The following PHC2 variants were observed in gnomAD, a reference collection of about 807,000 sequenced individuals.
PHC2 encodes the protein polyhomeotic-like protein 2.
Under a neutral mutation model 87.4 loss-of-function variants are expected in PHC2, and 29 were observed. That is an observed-to-expected ratio of 0.33 (90% CI 0.25 to 0.45). The LOEUF is 0.45. Ranked by LOEUF, PHC2 falls within the 20% of genes least tolerant of loss-of-function variation. The pLI is 1.00. For synonymous variants in PHC2, 438 were observed against 461.7 expected (o/e 0.95, Z 0.66); for missense variants, 857 against 1,136.7 (o/e 0.75, Z 3.54).
rs778264042 is a variant in PHC2 at position 33,330,097 on chromosome 1, G to A, written c.2122C>T (p.Pro708Ser). 8 of 1,614,102 alleles carry A rather than the reference G, an allele frequency of 5.0e-6. No individual in the cohort carries two copies. Among genetic ancestry groups the A allele is most frequent in the Non-Finnish European group, 6.8e-6 (8 of 1,180,014 alleles). The change falls in exon 13 of 15, where the codon CCA becomes TCA. Residue 708 changes from proline (P) to serine (S), a missense_variant. By Grantham distance (74) the Pro-to-Ser change is moderately conservative. Transcript: ENST00000683057. ...TGCTTCTTGGTATCCTTGGTAAGTGGTGGCAGACTGGCTTTGCTGGCCCGA... is the reference window on the plus strand; with the variant it reads ...TGCTTCTTGGTATCCTTGGTAAGTGATGGCAGACTGGCTTTGCTGGCCCGA... ...RRRASKASLPPLTKDTKKQPT... is the reference protein window; with the variant it reads ...RRRASKASLPSLTKDTKKQPT...
At chr1:33,415,047 C>G (rs1424484132) in intron 1 of PHC2, among the ~76,000 whole-genome samples, 1 of 152,154 alleles carries the variant, frequency 6.6e-6, no homozygotes, top group Non-Finnish European at 1.5e-5. Flanking sequence ...AAAGTGAGCC[C>G]TACGAGTGTA....
At chr1:33,411,515 A>C (rs1649980707) in intron 1 of PHC2, among the ~76,000 whole-genome samples, 1 of 152,160 alleles carries the variant, frequency 6.6e-6, no homozygotes, top group Non-Finnish European at 1.5e-5. Flanking sequence ...TAGCAATGTA[A>C]ATCAGCATAT....
At chr1:33,333,405 C>T (rs1250495719) in intron 10 of PHC2, 3 of 152,512 alleles carry the variant, frequency 2.0e-5, no homozygotes, top group Admixed American at 6.5e-5. Flanking sequence ...GCTGGTGTGC[C>T]GCTGGCTCTG....
chr1:33,356,878 C>T (rs889873112), intron 7 of PHC2, among the ~76,000 whole-genome samples: 11 of 151,724 alleles, frequency 7.3e-5, no homozygotes, highest in African/African-American at 1.7e-4. Flanking sequence ...CAGGCAGAGG[C>T]GCCCCCCCAC....
chr1:33,345,948 G>C (rs1269615767), intron 9 of PHC2: 2 of 984,790 alleles, frequency 2.0e-6, no homozygotes, highest in African/African-American at 3.5e-5. Flanking sequence ...TGAATAAGTA[G>C]TTATCTTAAA....
rs189959990 is a variant in PHC2, at chr1:33,415,118, C to T, written c.-55+15858G>A. ...TACAGGGAGGGGGAATGGATCTCAC[C>T]GAGTCGAGGTGACTGAGATTAGACA... On this transcript the variant is annotated intron_variant, in intron 1 of 14. Coordinates refer to ENST00000683057, the MANE Select transcript of PHC2 (RefSeq NM_001385109.1). Among the ~76,000 whole-genome samples the T allele has an allele frequency of 2.5e-3, 381 of 152,182 alleles. 2 individuals are homozygous for T. The highest frequency in any genetic ancestry group is 8.5e-3 in the African/African-American group (351 of 41,498).
intron 2 of PHC2, among the ~76,000 whole-genome samples, chr1:33,374,296 C>T (rs1015449245): frequency 6.6e-6 from 1 of 152,182 alleles, no homozygotes; most frequent in African/African-American, 2.4e-5. Flanking sequence ...CCCAGACCCC[C>T]TTTTGCCTAG....
In PHC2 at chr1:33,334,360, C is replaced by G; in HGVS notation, c.1559-68G>C. 6.9e-7 allele frequency: 1 copy of G among 1,441,624 alleles called. No homozygotes were observed. Among genetic ancestry groups the G allele is most frequent in the Non-Finnish European group, 9.6e-7 (1 of 1,037,424 alleles). The allele number at this position is 1,441,624 out of a possible 1,614,324, so 89.3% of individuals were successfully genotyped here. ...ACCAGAGTCCACGCCCAGGGAGGGA[C>G]AGCAAGGACTCAAACTGCGCCCGGC... is the stretch of plus-strand genomic sequence containing the variant. On this transcript the variant is annotated intron_variant, in intron 9 of 14. Transcript: ENST00000683057. This position sits in a 1 kb window ranked among gnomAD's most constrained non-coding sequence, Gnocchi z 5.5.
At chr1:33,428,028 T>A (rs538428146) in intron 1 of PHC2, among the ~76,000 whole-genome samples, 2 of 152,208 alleles carry the variant, frequency 1.3e-5, no homozygotes, top group African/African-American at 2.4e-5. Flanking sequence ...TCTCAACTCC[T>A]ATAATACCAC....
rs78711253 is a variant in PHC2 at position 33,355,889 on chromosome 1, G to A, written c.977-636C>T. ...AAATTGAAAATATAGTTTCTGTACA[G>A]AAGTTGCTAAAAGGATGAAATGAGA... On this transcript the variant is annotated intron_variant, in intron 7 of 14. Transcript: ENST00000683057. Among the ~76,000 whole-genome samples, 335 of 152,318 alleles carry A rather than the reference G, an allele frequency of 2.2e-3. 2 individuals carry two copies. Among genetic ancestry groups the A allele is most frequent in the Non-Finnish European group, 2.0e-3 (136 of 68,022 alleles).
rs546830993 is a variant in PHC2 at position 33,363,526 on chromosome 1, C to G, written c.976+3590G>C. ...CAGACAGAAATCACTGCCCCCTGCA[C>G]AAAACGCTCTCTGTGTTCAAACAAA... On this transcript the variant is annotated intron_variant, in intron 7 of 14. Coordinates refer to ENST00000683057, the MANE Select transcript of PHC2 (RefSeq NM_001385109.1). Among the ~76,000 whole-genome samples, 7 of 152,312 alleles carry G rather than the reference C, an allele frequency of 4.6e-5. No homozygotes were observed. In the South Asian group the frequency reaches 1.4e-3, roughly 32 times the overall value.
chr1:33,420,225 G>T (rs1017066751), intron 1 of PHC2, among the ~76,000 whole-genome samples: 1 of 152,138 alleles, frequency 6.6e-6, no homozygotes, highest in Non-Finnish European at 1.5e-5. Context: ...CCTAGAGATA[G>T]GTCCCCAAAC....
intron 9 of PHC2, chr1:33,350,039 C>G (rs558645546): frequency 5.0e-6 from 1 of 201,130 alleles, no homozygotes; most frequent in Non-Finnish European, 8.9e-6. Context: ...CGCCTCGCGC[C>G]CTCCGGAAGG....
intron 1 of PHC2, among the ~76,000 whole-genome samples, chr1:33,413,315 A>G (rs907639469): frequency 3.9e-5 from 6 of 152,200 alleles, no homozygotes; most frequent in Non-Finnish European, 8.8e-5. Flanking sequence ...ACGACAACAG[A>G]AATAATTGGA....
chr1:33,324,757 G>GC lies in PHC2; in HGVS notation c.*107dup. On this transcript the variant is annotated 3_prime_UTR_variant, in exon 15 of 15. Coordinates refer to ENST00000683057, the MANE Select transcript of PHC2 (RefSeq NM_001385109.1). ...CTCACCAGCTATGCCCCTAGGGAGA[G>GC]CCCCTGCCCTCCAACCGGCCCCATT... 1 of 1,254,220 alleles carries GC rather than the reference G, an allele frequency of 8.0e-7. No individual in the cohort carries two copies. Among genetic ancestry groups the GC allele is most frequent in the East Asian group, 2.4e-5 (1 of 41,106 alleles). 77.7% of individuals were successfully genotyped at this position (1,254,220 alleles called of 1,614,324 possible). A position where few individuals can be genotyped will look rare whatever the true frequency, so the allele number is the denominator to read the frequency against.
chr1:33,354,243 G>A (rs777385840), intron 9 of PHC2, among the ~76,000 whole-genome samples, 158 bp downstream of exon 9: 1 of 152,094 alleles, frequency 6.6e-6, no homozygotes, highest in Non-Finnish European at 1.5e-5. Flanking sequence ...CTTTATCCCT[G>A]GTTCATCTTC....
intron 14 of PHC2, chr1:33,325,540 G>A (rs897880759): frequency 2.3e-5 from 5 of 212,798 alleles, no homozygotes; most frequent in South Asian, 6.2e-5. Flanking sequence ...AGCCTGTATG[G>A]CGTCTTCCCT....
At chr1:33,339,156 A>C (rs1219636744) in intron 9 of PHC2, among the ~76,000 whole-genome samples, 1 of 152,176 alleles carries the variant, frequency 6.6e-6, no homozygotes, top group Non-Finnish European at 1.5e-5. Flanking sequence ...TTCTCTAGGC[A>C]GGGGGCTACC....
intron 1 of PHC2, among the ~76,000 whole-genome samples, chr1:33,412,754 C>G (rs79446994): frequency 0.021 from 3,233 of 152,258 alleles, 122 homozygotes; most frequent in African/African-American, 0.071. Context: ...GATGATGCAT[C>G]AGGAGCATAA....
Sources: gnomAD v4.1 joint callset for allele counts (sites outside exome capture counted in the v4.1 genomes callset) on GRCh38, gnomAD v4.1.1 for gene constraint, Gnocchi (gnomAD v3.1) non-coding constraint, MANE v1.5 for transcripts, NCBI Gene and HGNC (gene_info 2026-07-23, HGNC 2026-07-21) for gene names.